The following RALGPS1 variants were observed in gnomAD, a reference collection of about 807,000 sequenced individuals.
RALGPS1 encodes the protein Ral GEF with PH domain and SH3 binding motif 1.
RALGPS1 carries 19 observed loss-of-function variants against 78.8 expected under a neutral mutation model. The observed-to-expected ratio is 0.24, with a 90% CI of 0.17 to 0.35. RALGPS1 has a LOEUF of 0.35. Ranked by LOEUF, RALGPS1 falls within the 10% of genes least tolerant of loss-of-function variation. The probability of loss-of-function intolerance (pLI) is 1.00; values close to 1 mark genes in which losing one functional copy is unlikely to be tolerated. For synonymous variants in RALGPS1, 228 were observed against 256.3 expected (o/e 0.89, Z 1.06); for missense variants, 454 against 688.3 (o/e 0.66, Z 3.81).
chr9:127,218,762 TTGAG>T lies in RALGPS1; in HGVS notation c.1669_1672del (p.Glu557LysfsTer8). ...TAGGTACCTGCAAACCTTATGTCAT[TTGAG>T]TAAGTCTCTGCAGGACGTGGCATGA... On this transcript the variant is annotated frameshift_variant, in exon 19 of 19. Transcript: ENST00000259351. LOFTEE classifies it high-confidence loss of function. The surrounding 1 kb of genome is among the most constrained non-coding windows in gnomAD (Gnocchi z 4.4). The T allele has an allele frequency of 6.2e-7, 1 of 1,614,094 alleles. No homozygotes were observed. The highest frequency in any genetic ancestry group is 8.5e-7 in the Non-Finnish European group (1 of 1,179,920).
intron 7 of RALGPS1, among the ~76,000 whole-genome samples, chr9:127,054,992 TGATTGAGAGA>T (rs1449227414): frequency 2.5e-5 from 2 of 79,232 alleles, no homozygotes; most frequent in African/African-American, 5.3e-5. Flanking sequence ...AGAGAGAGAT[TGATTGAGAGA>T]GAGAGAGAGA....
In RALGPS1 at chr9:127,122,784, C is replaced by G. The variant is rs915076077; in HGVS notation, c.611-43285C>G. 6.6e-6 allele frequency: 1 copy of G among 152,418 alleles called. No individual in the cohort carries two copies. Among genetic ancestry groups the G allele is most frequent in the African/African-American group, 2.4e-5 (1 of 41,482 alleles). The allele number at this position is 152,418 out of a possible 1,614,324, so 9.4% of individuals were successfully genotyped here. On this transcript the variant is annotated intron_variant, in intron 8 of 18. Coordinates refer to ENST00000259351, the MANE Select transcript of RALGPS1 (RefSeq NM_014636.3). This position sits in a 1 kb window ranked among gnomAD's most constrained non-coding sequence, Gnocchi z 6.4. ...GAAAGGCTCCGGGCCTCCCCTCAGC[C>G]CCAGACAGAGGCGGGCCGCCCGGTG... is the stretch of plus-strand genomic sequence containing the variant.
At chr9:126,989,978 C>CA (rs746202895) in intron 4 of RALGPS1, 1 of 1,550,546 alleles carries the variant, frequency 6.4e-7, no homozygotes, top group East Asian at 2.4e-5. Context: ...TTCAGGAAAA[C>CA]ACTGCCTGTG....
At chr9:127,089,426 C>A (rs1053352675) in intron 8 of RALGPS1, among the ~76,000 whole-genome samples, 5 of 152,178 alleles carry the variant, frequency 3.3e-5, no homozygotes, top group Admixed American at 6.5e-5. Context: ...CCGCACAGGG[C>A]GGCTCTGAGG....
In RALGPS1 at chr9:127,212,987, T is replaced by C; in HGVS notation, c.1490T>C (p.Met497Thr). The change falls in exon 17 of 19, where the codon ATG (methionine) becomes ACG (threonine). Residue 497 changes from methionine to threonine, a missense_variant. Transcript: ENST00000259351. This position sits in a 1 kb window ranked among gnomAD's most constrained non-coding sequence, Gnocchi z 6.0. ...AAAAAGGTTTCCATCGTGGGCTGGA[T>C]GGTGCAGCTGCCCGATGACCCCGAG... ...PGKKVSIVGWMVQLPDDPEHP... is the reference protein window; with the variant it reads ...PGKKVSIVGWTVQLPDDPEHP... The C allele has an allele frequency of 6.2e-6, 10 of 1,614,180 alleles. No homozygotes were observed. Among genetic ancestry groups the C allele is most frequent in the Non-Finnish European group, 7.6e-6 (9 of 1,180,036 alleles).
chr9:127,107,861 A>T, intron 8 of RALGPS1: 1 of 1,491,340 alleles, frequency 6.7e-7, no homozygotes, highest in Non-Finnish European at 9.0e-7. Flanking sequence ...AGCCAAGGGA[A>T]GCCTGGTGCC....
chr9:127,042,414 C>A (rs1018317062), intron 5 of RALGPS1, among the ~76,000 whole-genome samples: 3 of 151,966 alleles, frequency 2.0e-5, no homozygotes, highest in Admixed American at 6.6e-5. Flanking sequence ...GTAGAAAAAT[C>A]ATATTATTAT....
intron 8 of RALGPS1, among the ~76,000 whole-genome samples, chr9:127,162,172 G>T (rs996206196): frequency 6.6e-6 from 1 of 152,224 alleles, no homozygotes; most frequent in Non-Finnish European, 1.5e-5. Context: ...GCTCCTGTGT[G>T]CTCAGTTCTA....
chr9:127,049,114 C>A (rs938894887), intron 5 of RALGPS1, among the ~76,000 whole-genome samples: 1 of 152,162 alleles, frequency 6.6e-6, no homozygotes, highest in Non-Finnish European at 1.5e-5. Flanking sequence ...CTTTTTAATT[C>A]TCCCTATGCC....
At chr9:127,055,101 G>T (rs1408900638) in intron 7 of RALGPS1, among the ~76,000 whole-genome samples, 1 of 152,018 alleles carries the variant, frequency 6.6e-6, no homozygotes, top group African/African-American at 2.4e-5. Flanking sequence ...AAAGGTGTGG[G>T]CATATTCACC....
At chr9:127,176,898 GA>G (rs980174293) in intron 11 of RALGPS1, among the ~76,000 whole-genome samples, 1 of 152,190 alleles carries the variant, frequency 6.6e-6, no homozygotes, top group African/African-American at 2.4e-5. Context: ...ACCTCTGCCT[GA>G]GAGTAGCAAG....
intron 1 of RALGPS1, among the ~76,000 whole-genome samples, chr9:126,956,432 G>A (rs1248903308): frequency 6.6e-6 from 1 of 152,140 alleles, no homozygotes; most frequent in Admixed American, 6.5e-5. Flanking sequence ...TCTGAGAGTC[G>A]CTGCCCATAA....
At chr9:127,080,138 G>A (rs543943432) in intron 8 of RALGPS1, among the ~76,000 whole-genome samples, 1 of 152,282 alleles carries the variant, frequency 6.6e-6, no homozygotes, top group South Asian at 2.1e-4. Context: ...AAAGATGGGT[G>A]CCTGGGGATG....
intron 2 of RALGPS1, among the ~76,000 whole-genome samples, chr9:126,965,348 C>A (rs925565700): frequency 6.6e-6 from 1 of 152,142 alleles, no homozygotes; most frequent in South Asian, 2.1e-4. Context: ...TAGGAAAAAA[C>A]CAGGTAATGT....
chr9:127,216,948 G>A (rs375147000), intron 18 of RALGPS1: 25 of 1,547,824 alleles, frequency 1.6e-5, no homozygotes, highest in Middle Eastern at 1.7e-4. Flanking sequence ...TGACAGCCAC[G>A]AGGTGGACCA....
intron 3 of RALGPS1, among the ~76,000 whole-genome samples, chr9:126,967,309 C>T (rs2039607487): frequency 2.0e-5 from 3 of 152,132 alleles, no homozygotes; most frequent in Admixed American, 2.0e-4. Context: ...TCTGCCCCCA[C>T]CTCTGTGCTC....
intron 4 of RALGPS1, among the ~76,000 whole-genome samples, chr9:126,990,644 A>T (rs932110723): frequency 6.6e-6 from 1 of 152,260 alleles, no homozygotes; most frequent in Non-Finnish European, 1.5e-5. Context: ...GATGATGAGC[A>T]GTCAGAGCTC....
At chr9:126,932,532 C>A (rs939003955) in intron 1 of RALGPS1, among the ~76,000 whole-genome samples, 1 of 152,100 alleles carries the variant, frequency 6.6e-6, no homozygotes, top group Non-Finnish European at 1.5e-5. Context: ...GGATAATACA[C>A]GTGGTACACT....
At chr9:127,047,168 T>C (rs948592937) in intron 5 of RALGPS1, among the ~76,000 whole-genome samples, 6 of 152,174 alleles carry the variant, frequency 3.9e-5, no homozygotes, top group African/African-American at 1.4e-4. Context: ...TCTGAGGACC[T>C]TAATAAAAAG....
Sources: allele counts gnomAD v4.1 joint callset (sites outside exome capture counted in the v4.1 genomes callset), GRCh38; gene constraint gnomAD v4.1.1; non-coding constraint Gnocchi (gnomAD v3.1); transcripts MANE v1.5; gene names NCBI Gene and HGNC (gene_info 2026-07-23, HGNC 2026-07-21).